The following EPB41L1 variants were observed in gnomAD, a reference collection of about 807,000 sequenced individuals.
EPB41L1 encodes band 4.1-like protein 1.
In EPB41L1, 29 loss-of-function variants were observed where a neutral mutation model predicts 97.8. That is an observed-to-expected ratio of 0.30 (90% CI 0.22 to 0.40). EPB41L1 has a LOEUF of 0.40. Ranked by LOEUF, EPB41L1 falls within the 10% of genes least tolerant of loss-of-function variation. EPB41L1 has a pLI of 1.00. For synonymous variants in EPB41L1, 383 were observed against 459.2 expected (o/e 0.83, Z 2.12); for missense variants, 812 against 1,162.3 (o/e 0.70, Z 4.38).
At chr20:36,095,360 C>T (rs963657738) in intron 1 of EPB41L1, among the ~76,000 whole-genome samples, 28 of 152,064 alleles carry the variant, frequency 1.8e-4, no homozygotes, top group South Asian at 6.2e-4. Flanking sequence ...TGCCTGCCTC[C>T]GCCTCCCAAA....
chr20:36,182,034 C>T (rs1231222549), intron 5 of EPB41L1, among the ~76,000 whole-genome samples: 2 of 152,184 alleles, frequency 1.3e-5, no homozygotes, highest in South Asian at 2.1e-4. Context: ...TGGCATGCAG[C>T]GTCAGTTTTC....
intron 21 of EPB41L1, among the ~76,000 whole-genome samples, chr20:36,225,894 C>T (rs1236202962): frequency 6.6e-6 from 1 of 152,200 alleles, no homozygotes; most frequent in African/African-American, 2.4e-5. Context: ...CCTTTGCTGT[C>T]TCATTCCCTC....
chr20:36,135,634 T>C (rs1968523670), intron 2 of EPB41L1, among the ~76,000 whole-genome samples: 2 of 152,248 alleles, frequency 1.3e-5, no homozygotes, highest in South Asian at 4.1e-4. Flanking sequence ...TCCTTCCTGC[T>C]TCCCTCTACA....
intron 2 of EPB41L1, among the ~76,000 whole-genome samples, chr20:36,112,802 T>C (rs2058449111): frequency 6.6e-6 from 1 of 152,218 alleles, no homozygotes; most frequent in South Asian, 2.1e-4. Context: ...CCGTGGCCCT[T>C]GCCTGCCTTT....
At chr20:36,188,052 A>G (rs545130659) in intron 8 of EPB41L1, among the ~76,000 whole-genome samples, 2 of 152,354 alleles carry the variant, frequency 1.3e-5, no homozygotes, top group South Asian at 2.1e-4. Context: ...CACCTGGCAC[A>G]TAGCCTGGCA....
intron 1 of EPB41L1, among the ~76,000 whole-genome samples, chr20:36,097,549 CA>C (rs1235223231): frequency 6.6e-6 from 1 of 152,060 alleles, no homozygotes; most frequent in Non-Finnish European, 1.5e-5. Flanking sequence ...CCTAGGCCTA[CA>C]AAAACAGAAA....
At chr20:36,123,901 A>G (rs1423809483) in intron 2 of EPB41L1, among the ~76,000 whole-genome samples, 3 of 152,124 alleles carry the variant, frequency 2.0e-5, no homozygotes, top group Admixed American at 6.6e-5. Flanking sequence ...CAATACATAC[A>G]CCATCTATAT....
chr20:36,218,742 G>A (rs1443782456), intron 17 of EPB41L1, 134 bp from the exon 18 acceptor site: 8 of 808,280 alleles, frequency 9.9e-6, no homozygotes, highest in African/African-American at 1.7e-5. Flanking sequence ...GGAACTGAAC[G>A]ATGCCTTCAG....
intron 15 of EPB41L1, among the ~76,000 whole-genome samples, chr20:36,211,622 G>A (rs1216140181): frequency 2.0e-5 from 3 of 152,178 alleles, no homozygotes; most frequent in Non-Finnish European, 4.4e-5. Context: ...GGGAGGCTGA[G>A]GCAGGTGGAT....
intron 17 of EPB41L1, among the ~76,000 whole-genome samples, chr20:36,216,027 GA>G (rs1266306162): frequency 6.6e-6 from 1 of 152,224 alleles, no homozygotes; most frequent in Non-Finnish European, 1.5e-5. Context: ...GGGCTGATGT[GA>G]GGGGGAACGA....
intron 21 of EPB41L1, 123 bp downstream of exon 21, chr20:36,222,517 C>T (rs1331139493): frequency 2.7e-6 from 2 of 744,422 alleles, no homozygotes; most frequent in Non-Finnish European, 4.6e-6. Flanking sequence ...ACCCTCCCCC[C>T]ATCAGCCTTC....
chr20:36,216,151 C>A (rs76309148), intron 17 of EPB41L1, among the ~76,000 whole-genome samples: 2 of 152,290 alleles, frequency 1.3e-5, no homozygotes, highest in South Asian at 4.1e-4. Flanking sequence ...ATAATGCTAT[C>A]CTAGGGGCCA....
At chr20:36,120,604 C>G (rs544697600) in intron 2 of EPB41L1, among the ~76,000 whole-genome samples, 1 of 152,306 alleles carries the variant, frequency 6.6e-6, no homozygotes, top group East Asian at 1.9e-4. Context: ...CATATTTTCT[C>G]TCTCATCTGT....
At chr20:36,165,787 A>G (rs2060716036) in intron 1 of EPB41L1, among the ~76,000 whole-genome samples, 2 of 152,176 alleles carry the variant, frequency 1.3e-5, no homozygotes, top group African/African-American at 2.4e-5. Context: ...CCCAGTTCTG[A>G]GTTCAGCTCT....
chr20:36,151,522 C>T (rs537517376), upstream of EPB41L1: 3 of 152,358 alleles, frequency 2.0e-5, no homozygotes, highest in African/African-American at 7.2e-5. Flanking sequence ...ATGGGCTCCT[C>T]TTTCCTTCTT....
chr20:36,188,300 C>T (rs1251773495), intron 8 of EPB41L1, 47 bp from the exon 9 acceptor site: 21 of 1,611,244 alleles, frequency 1.3e-5, no homozygotes. Context: ...AGGCTGTCCC[C>T]AGGCATGGAC....
intron 2 of EPB41L1, among the ~76,000 whole-genome samples, chr20:36,115,657 C>G (rs572588300): frequency 6.6e-6 from 1 of 152,050 alleles, no homozygotes; most frequent in Non-Finnish European, 1.5e-5. Flanking sequence ...TTTGGGAGGC[C>G]GAGGCAGGTG....
rs1601019908 is a variant in EPB41L1, at chr20:36,214,339, G to A, written c.2185-18G>A. On this transcript the variant is annotated intron_variant, in intron 16 of 21. Transcript: ENST00000338074. Reference sequence around the variant, plus strand: ...ATACCCAGCTCTCCCCAGCTCTAACGACTCCTCCTCTGGTCAGCAGGTTGA... The same window carrying A: ...ATACCCAGCTCTCCCCAGCTCTAACAACTCCTCCTCTGGTCAGCAGGTTGA... 2.5e-6 allele frequency: 4 copies of A among 1,611,392 alleles called. No homozygotes were observed. Among genetic ancestry groups the A allele is most frequent in the South Asian group, 1.1e-5 (1 of 90,884 alleles).
At position 36,154,954 on chromosome 20, in the gene EPB41L1, C is replaced by G. The variant is rs943740833; in HGVS notation, c.-15+58C>G. On this transcript the variant is annotated intron_variant, in intron 1 of 21. Coordinates refer to ENST00000338074, the MANE Select transcript of EPB41L1 (RefSeq NM_012156.2). The surrounding 1 kb of genome is among the most constrained non-coding windows in gnomAD (Gnocchi z 5.5). Reference sequence around the variant, plus strand: ...GGCCGGGGGCTTGCAACATCTAGGCCCAGCCTCCAGCCCTGGGGAGGAACG... The same window carrying G: ...GGCCGGGGGCTTGCAACATCTAGGCGCAGCCTCCAGCCCTGGGGAGGAACG... 1.1e-5 allele frequency: 13 copies of G among 1,149,020 alleles called. No individual in the cohort carries two copies. Among genetic ancestry groups the G allele is most frequent in the Non-Finnish European group, 1.3e-5 (12 of 915,630 alleles). 71.2% of individuals were successfully genotyped at this position (1,149,020 alleles called of 1,614,324 possible).
Sources: gnomAD v4.1 joint callset for allele counts (sites outside exome capture counted in the v4.1 genomes callset) on GRCh38, gnomAD v4.1.1 for gene constraint, Gnocchi (gnomAD v3.1) non-coding constraint, MANE v1.5 for transcripts, NCBI Gene and HGNC (gene_info 2026-07-23, HGNC 2026-07-21) for gene names.